Variants in BCL7C observed in about 807,000 individuals in gnomAD.
BCL7C encodes the protein B-cell CLL/lymphoma 7 protein family member C.
BCL7C carries 8 observed loss-of-function variants against 26.2 expected under a neutral mutation model. That is an observed-to-expected ratio of 0.30 (90% CI 0.18 to 0.55). The LOEUF (loss-of-function observed/expected upper bound fraction) is 0.55, where lower values mean the gene tolerates loss of function less well. Among genes scored for constraint, BCL7C ranks in the 20% least tolerant of loss-of-function variants. BCL7C has a pLI of 0.93. For synonymous variants in BCL7C, 90 were observed against 116.5 expected, an observed-to-expected ratio of 0.77 and a Z score of 1.47; for missense variants, 262 against 298.5, an observed-to-expected ratio of 0.88 and a Z score of 0.90.
At chr16:30,878,538 C>CA (rs1484541008) in intron 5 of BCL7C, among the ~76,000 whole-genome samples, 4 of 145,020 alleles carry the variant, frequency 2.8e-5, no homozygotes, top group Non-Finnish European at 6.0e-5. Context: ...GACTCTATTT[C>CA]AAAAAAAACA....
At chr16:30,853,910 T>A (rs2054698114) in intron 5 of BCL7C, among the ~76,000 whole-genome samples, 2 of 152,218 alleles carry the variant, frequency 1.3e-5, no homozygotes, top group South Asian at 4.1e-4. Context: ...AACCTCCTCA[T>A]CCTTGACAAA....
intron 5 of BCL7C, among the ~76,000 whole-genome samples, chr16:30,871,217 C>T (rs1199717279): frequency 3.3e-5 from 5 of 152,102 alleles, no homozygotes; most frequent in Non-Finnish European, 5.9e-5. Context: ...AGGGGGACAG[C>T]GTATAGGGAA....
chr16:30,868,398 A>G (rs1370993443), intron 5 of BCL7C, among the ~76,000 whole-genome samples: 6 of 148,372 alleles, frequency 4.0e-5, no homozygotes, highest in East Asian at 2.0e-4. Context: ...CGGCCTCCCA[A>G]AGTGCTGGGA....
chr16:30,865,325 A>C (rs1286052412), intron 5 of BCL7C, among the ~76,000 whole-genome samples: 1 of 152,110 alleles, frequency 6.6e-6, no homozygotes, highest in Non-Finnish European at 1.5e-5. Context: ...CACCCAGGTG[A>C]AATAAACAGC....
At chr16:30,866,305 G>A (rs183519888) in intron 5 of BCL7C, among the ~76,000 whole-genome samples, 13 of 152,254 alleles carry the variant, frequency 8.5e-5, no homozygotes, top group African/African-American at 2.4e-4. Flanking sequence ...GGCTGGGTGC[G>A]GTGGTTCACG....
intron 5 of BCL7C, among the ~76,000 whole-genome samples, chr16:30,866,181 G>C: frequency 6.6e-6 from 1 of 152,140 alleles, no homozygotes; most frequent in Non-Finnish European, 1.5e-5. Flanking sequence ...TGATGGAGGA[G>C]TTGGCAAGCA....
At chr16:30,859,639 T>C (rs2054753145) in intron 5 of BCL7C, among the ~76,000 whole-genome samples, 1 of 151,422 alleles carries the variant, frequency 6.6e-6, no homozygotes, top group South Asian at 2.1e-4. Flanking sequence ...CCTCCCCACC[T>C]TTAAGAAGGT....
Position 30,893,337 on chromosome 16 carries a change from C to T in BCL7C, c.93-47G>A. 1.3e-6 allele frequency: 2 copies of T among 1,528,550 alleles called. No individual in the cohort carries two copies. The highest frequency in any genetic ancestry group is 1.1e-5 in the South Asian group (1 of 87,404). 94.7% of individuals were successfully genotyped at this position (1,528,550 alleles called of 1,614,324 possible). ...GGTCAGAGAGGCCTGAGGGGAGACC[C>T]ACCCCCCTAGGAGCTGGACACATCT... On this transcript the variant is annotated intron_variant, in intron 1 of 5. Coordinates refer to ENST00000215115, the MANE Select transcript of BCL7C (RefSeq NM_004765.4). The surrounding 1 kb of genome is among the most constrained non-coding windows in gnomAD (Gnocchi z 5.2).
downstream of BCL7C, among the ~76,000 whole-genome samples, chr16:30,885,414 T>TA (rs2055117224): frequency 1.5e-5 from 2 of 136,486 alleles, no homozygotes; most frequent in Non-Finnish European, 3.1e-5. Flanking sequence ...TGGCTTTTTC[T>TA]TTTTTTTTTT....
intron 5 of BCL7C, among the ~76,000 whole-genome samples, chr16:30,844,065 A>AAG (rs2054618767): frequency 6.7e-6 from 1 of 149,620 alleles, no homozygotes; most frequent in Non-Finnish European, 1.5e-5. Context: ...AAAAAAAAAA[A>AAG]AAAAGTCCGG....
At chr16:30,883,472 T>C (rs2055072949), downstream of BCL7C, among the ~76,000 whole-genome samples, 1 of 141,058 alleles carries the variant, frequency 7.1e-6, no homozygotes, top group South Asian at 2.3e-4. Flanking sequence ...CGCCTCAGCC[T>C]CCCGCCTCAG....
At chr16:30,879,856 G>A (rs2055015862) in intron 5 of BCL7C, among the ~76,000 whole-genome samples, 1 of 151,764 alleles carries the variant, frequency 6.6e-6, no homozygotes, top group African/African-American at 2.4e-5. Context: ...TGGGCATGGT[G>A]GCAGGCACCT....
intron 5 of BCL7C, among the ~76,000 whole-genome samples, chr16:30,873,432 A>C (rs2054898350): frequency 1.3e-5 from 2 of 152,152 alleles, no homozygotes; most frequent in Admixed American, 1.3e-4. Flanking sequence ...AAATGTTCTA[A>C]AATTGACTGT....
In BCL7C at chr16:30,893,998, G is replaced by A. The variant is rs1231410448; in HGVS notation, c.-54C>T. 2.7e-5 allele frequency: 26 copies of A among 946,540 alleles called. No homozygotes were observed. Among genetic ancestry groups the A allele is most frequent in the Non-Finnish European group, 3.3e-5 (25 of 757,172 alleles). The allele number at this position is 946,540 out of a possible 1,614,324, so 58.6% of individuals were successfully genotyped here. ...CCGCGGCGGGGCCGCCTCCCGTCCGGCGGGCTCAGGCTCCGCGCCAGGCCC... is the reference window on the plus strand; with the variant it reads ...CCGCGGCGGGGCCGCCTCCCGTCCGACGGGCTCAGGCTCCGCGCCAGGCCC... On this transcript the variant is annotated 5_prime_UTR_variant, in exon 1 of 6. Transcript: ENST00000215115. This position sits in a 1 kb window ranked among gnomAD's most constrained non-coding sequence, Gnocchi z 5.2.
chr16:30,877,909 T>C (rs2143062527), intron 5 of BCL7C, among the ~76,000 whole-genome samples: 1 of 151,536 alleles, frequency 6.6e-6, no homozygotes, highest in South Asian at 2.1e-4. Context: ...GCGCAGTGGC[T>C]GATGCCTGTA....
chr16:30,840,943 G>T (rs544114009), intron 5 of BCL7C, among the ~76,000 whole-genome samples: 10 of 152,220 alleles, frequency 6.6e-5, no homozygotes, highest in African/African-American at 2.4e-4. Flanking sequence ...TTACAATGGG[G>T]ACTATAATTC....
intron 5 of BCL7C, among the ~76,000 whole-genome samples, chr16:30,857,285 G>C (rs577399404): frequency 6.6e-6 from 1 of 151,436 alleles, no homozygotes; most frequent in Non-Finnish European, 1.5e-5. Context: ...CTACCCGGGA[G>C]GCTGAGGCAG....
At chr16:30,863,631 G>A (rs1027231602) in intron 5 of BCL7C, among the ~76,000 whole-genome samples, 2 of 152,174 alleles carry the variant, frequency 1.3e-5, no homozygotes, top group African/African-American at 4.8e-5. Flanking sequence ...CTCACGGCTA[G>A]TTTTTCTCCT....
chr16:30,842,815 G>A (rs976731952), intron 5 of BCL7C, among the ~76,000 whole-genome samples: 1 of 152,094 alleles, frequency 6.6e-6, no homozygotes, highest in Non-Finnish European at 1.5e-5. Context: ...TGATCCGCTC[G>A]CCTCAGCCTC....
Sources: allele counts gnomAD v4.1 joint callset (sites outside exome capture counted in the v4.1 genomes callset), GRCh38; gene constraint gnomAD v4.1.1; non-coding constraint Gnocchi (gnomAD v3.1); transcripts MANE v1.5; gene names NCBI Gene and HGNC (gene_info 2026-07-23, HGNC 2026-07-21).